Variants in PRKN observed in about 807,000 individuals in gnomAD.
PRKN encodes parkin RBR E3 ubiquitin protein ligase.
In PRKN, 56 loss-of-function variants were observed where a neutral mutation model predicts 59.5. The observed-to-expected ratio is 0.94, with a 90% confidence interval of 0.76 to 1.18. The LOEUF (loss-of-function observed/expected upper bound fraction) is 1.18. Among genes scored for constraint, PRKN ranks in the 50% most tolerant of loss-of-function variants. The pLI is 0.00. For missense variants in PRKN, 657 were observed against 596.4 expected, an observed-to-expected ratio of 1.10 and a Z score of -1.06; for synonymous variants, 250 against 222.1, an observed-to-expected ratio of 1.13 and a Z score of -1.12.
chr6:162,605,407 T>A (rs1167288786), intron 1 of PRKN, among the ~76,000 whole-genome samples: 6 of 152,128 alleles, frequency 3.9e-5, no homozygotes, highest in Non-Finnish European at 8.8e-5. Context: ...TGAAATTTTA[T>A]CAATATCAAC....
chr6:161,910,579 G>C (rs1417597636), intron 6 of PRKN, among the ~76,000 whole-genome samples: 1 of 152,104 alleles, frequency 6.6e-6, no homozygotes, highest in Non-Finnish European at 1.5e-5. Flanking sequence ...ATTACTTGTA[G>C]TTAGTTGATA....
intron 4 of PRKN, among the ~76,000 whole-genome samples, chr6:162,138,804 A>G (rs530627921): frequency 6.6e-6 from 1 of 152,332 alleles, no homozygotes; most frequent in African/African-American, 2.4e-5. Context: ...GGAAAAAGGC[A>G]GTGAATGTGA....
In PRKN at chr6:162,720,589, T is replaced by C. The variant is rs376408152; in HGVS notation, c.7+7073A>G. On this transcript the variant is annotated intron_variant, in intron 1 of 11. Coordinates refer to ENST00000366898, the MANE Select transcript of PRKN (RefSeq NM_004562.3). Reference sequence around the variant, plus strand: ...CCTCAGCCTCCCGAGTAGCTGGGACTACAGGCGCCCGCCACCGCGCCCGGC... The same window carrying C: ...CCTCAGCCTCCCGAGTAGCTGGGACCACAGGCGCCCGCCACCGCGCCCGGC... 4.7e-3 allele frequency among the ~76,000 whole-genome samples: 712 copies of C among 151,684 alleles called. 7 individuals carry two copies. Among genetic ancestry groups the C allele is most frequent in the African/African-American group, 0.016 (657 of 41,316 alleles).
intron 7 of PRKN, among the ~76,000 whole-genome samples, chr6:161,780,149 C>T (rs372928701): frequency 7.2e-5 from 11 of 152,126 alleles, no homozygotes; most frequent in Admixed American, 1.3e-4. Context: ...CCCCATTTTA[C>T]CTAAGATGAA....
intron 6 of PRKN, among the ~76,000 whole-genome samples, chr6:161,970,178 A>T (rs1427855395): frequency 6.6e-6 from 1 of 151,936 alleles, no homozygotes; most frequent in Non-Finnish European, 1.5e-5. Context: ...GGTAGCTGGG[A>T]CTACAGGTGC....
intron 6 of PRKN, among the ~76,000 whole-genome samples, chr6:161,940,345 G>A (rs1235450373): frequency 6.6e-6 from 1 of 152,158 alleles, no homozygotes; most frequent in African/African-American, 2.4e-5. Context: ...TGAGCACAAA[G>A]GAAAAGAAAG....
intron 2 of PRKN, among the ~76,000 whole-genome samples, chr6:162,287,467 C>T (rs768799433): frequency 1.7e-4 from 26 of 152,148 alleles, no homozygotes; most frequent in Non-Finnish European, 2.9e-4. Flanking sequence ...ACTCAGGAGG[C>T]TGAGGTGGGA....
chr6:161,644,459 C>G (rs1783851772), intron 7 of PRKN, among the ~76,000 whole-genome samples: 2 of 152,220 alleles, frequency 1.3e-5, no homozygotes, highest in Non-Finnish European at 1.5e-5. Context: ...TGTCTGTCCT[C>G]CCTGGAAGAG....
Position 162,201,249 on chromosome 6 carries a change from C to A in PRKN, c.416G>T (p.Gly139Val). 1 of 1,613,772 alleles carries A rather than the reference C, an allele frequency of 6.2e-7. No homozygotes were observed. Among genetic ancestry groups the A allele is most frequent in the Non-Finnish European group, 8.5e-7 (1 of 1,179,740 alleles). The change falls in exon 4 of 12, where the codon GGT (glycine) becomes GTT (valine). Residue 139 changes from glycine (G) to valine (V), a missense_variant. Transcript: ENST00000366898. ...KDSPPAGSPA[G>V]RSIYNSFYVY... ...ATAAAAGCTGTTGTAGATTGATCTA[C>A]CTGCTGGAGAAGAAAAAGCAGAAGA...
intron 1 of PRKN, among the ~76,000 whole-genome samples, chr6:162,542,486 T>G (rs1392986042): frequency 6.6e-6 from 1 of 152,082 alleles, no homozygotes; most frequent in Non-Finnish European, 1.5e-5. Context: ...GCCATAAATG[T>G]TTTACATACG....
At chr6:162,404,831 C>T (rs563963438) in intron 2 of PRKN, among the ~76,000 whole-genome samples, 3 of 152,252 alleles carry the variant, frequency 2.0e-5, no homozygotes, top group South Asian at 2.1e-4. Context: ...GGATTACAGG[C>T]GTGAGCTACT....
At chr6:162,468,005 C>A (rs2128176707) in intron 1 of PRKN, among the ~76,000 whole-genome samples, 1 of 152,298 alleles carries the variant, frequency 6.6e-6, no homozygotes. Context: ...TGTGACCACC[C>A]TAATTAAGCA....
chr6:162,625,776 G>A (rs987202508), intron 1 of PRKN, among the ~76,000 whole-genome samples: 12 of 151,818 alleles, frequency 7.9e-5, no homozygotes, highest in Non-Finnish European at 2.9e-5. Flanking sequence ...TTATCTAGTT[G>A]CAAAAACCTG....
chr6:162,621,128 C>G (rs1213950546), intron 1 of PRKN, among the ~76,000 whole-genome samples: 1 of 151,644 alleles, frequency 6.6e-6, no homozygotes, highest in Non-Finnish European at 1.5e-5. Flanking sequence ...AGCCCGCTTG[C>G]CAGACTTTTA....
At chr6:161,934,967 T>C (rs1008930761) in intron 6 of PRKN, among the ~76,000 whole-genome samples, 4 of 152,174 alleles carry the variant, frequency 2.6e-5, no homozygotes, top group African/African-American at 9.7e-5. Context: ...ATTAGGTCTG[T>C]CTAATGTGTT....
chr6:161,992,774 G>T (rs975497519), intron 5 of PRKN, among the ~76,000 whole-genome samples: 4 of 152,036 alleles, frequency 2.6e-5, no homozygotes, highest in Non-Finnish European at 2.9e-5. Flanking sequence ...GACAACAACA[G>T]AATAAAACTA....
At chr6:161,615,010 CTG>C (rs1782639273) in intron 7 of PRKN, among the ~76,000 whole-genome samples, 1 of 151,014 alleles carries the variant, frequency 6.6e-6, no homozygotes, top group Non-Finnish European at 1.5e-5. Flanking sequence ...AACACTGAAA[CTG>C]TATATTTCTA....
chr6:162,114,030 T>G (rs1230569423), intron 4 of PRKN, among the ~76,000 whole-genome samples: 1 of 151,416 alleles, frequency 6.6e-6, no homozygotes, highest in Non-Finnish European at 1.5e-5. Flanking sequence ...GTTGTAGATA[T>G]GTGGCATTAT....
chr6:162,617,383 C>G (rs910110097), intron 1 of PRKN, among the ~76,000 whole-genome samples: 1 of 152,130 alleles, frequency 6.6e-6, no homozygotes, highest in Non-Finnish European at 1.5e-5. Flanking sequence ...AGGCACCTGC[C>G]AGCACACCTG....
Sources: allele counts gnomAD v4.1 joint callset (sites outside exome capture counted in the v4.1 genomes callset), GRCh38; gene constraint gnomAD v4.1.1; transcripts MANE v1.5; gene names NCBI Gene and HGNC (gene_info 2026-07-23, HGNC 2026-07-21).